Variants in IL16 observed in about 807,000 individuals in gnomAD.
The protein encoded by IL16 is pro-interleukin-16.
IL16 carries 67 observed loss-of-function variants against 110.1 expected under a neutral mutation model. That is an observed-to-expected ratio of 0.61 (90% CI 0.50 to 0.75). The LOEUF (loss-of-function observed/expected upper bound fraction) is 0.75. IL16 is among the 30% of genes least tolerant of loss of function. IL16 has a pLI of 0.00. For synonymous variants in IL16, 689 were observed against 662.9 expected (o/e 1.04, Z -0.61); for missense variants, 1,545 against 1,655.0 (o/e 0.93, Z 1.15).
At chr15:81,207,246 CAAAAA>C (rs60442931) in intron 1 of IL16, among the ~76,000 whole-genome samples, 1 of 102,760 alleles carries the variant, frequency 9.7e-6, no homozygotes, top group African/African-American at 2.9e-5. Flanking sequence ...TCAAAAAAAA[CAAAAA>C]AAAAAAAAAA....
intron 5 of IL16, among the ~76,000 whole-genome samples, chr15:81,272,351 G>A (rs1898679317): frequency 2.6e-5 from 4 of 152,168 alleles, no homozygotes; most frequent in Admixed American, 2.6e-4. Flanking sequence ...TTCTCTTCCT[G>A]CTGTAGACCT....
chr15:81,221,239 C>G (rs1995831), intron 1 of IL16, among the ~76,000 whole-genome samples: 7,531 of 152,118 alleles, frequency 0.05, 636 homozygotes, highest in African/African-American at 0.17. Flanking sequence ...AACAACTGAT[C>G]GCATTAGCTT....
rs753315799 is a variant in IL16, at chr15:81,299,990, G to A, written c.2664G>A (p.Gly888=). ...HEEGRFSGLL[G]RGAAPTLVPQ... is the part of the protein sequence containing the mutation. ...AAGGACGGTTTTCTGGACTCTTGGG[G>A]CGAGGGGCTGCACCCACTCTTGTGC... Residue 888 remains glycine (G), a synonymous_variant, in exon 14 of 19, where the codon GGG becomes GGA. Transcript: ENST00000683961. 21 of 1,597,430 alleles carry A rather than the reference G, an allele frequency of 1.3e-5. No individual in the cohort carries two copies. The highest frequency in any genetic ancestry group is 3.3e-4 in the Middle Eastern group (2 of 6,000).
chr15:81,202,931 A>G (rs997966895), intron 1 of IL16, among the ~76,000 whole-genome samples: 3 of 151,898 alleles, frequency 2.0e-5, no homozygotes, highest in Admixed American at 1.3e-4. Context: ...ACTAGTTTAC[A>G]GTCCCACCAA....
chr15:81,272,195 C>G (rs1898671651), intron 5 of IL16, among the ~76,000 whole-genome samples: 1 of 152,242 alleles, frequency 6.6e-6, no homozygotes, highest in African/African-American at 2.4e-5. Context: ...TAGACTCAAG[C>G]TATGCCCTCT....
chr15:81,293,068 TC>T, intron 12 of IL16, 31 bp downstream of exon 12: 1 of 1,562,930 alleles, frequency 6.4e-7, no homozygotes, highest in Non-Finnish European at 8.6e-7. Context: ...GTTGAGTGTT[TC>T]CAGGACCAGA....
chr15:81,297,610 G>A (rs1405800122), intron 13 of IL16, among the ~76,000 whole-genome samples: 3 of 152,200 alleles, frequency 2.0e-5, no homozygotes, highest in Non-Finnish European at 4.4e-5. Flanking sequence ...AGGACTTGAA[G>A]TCAGGGAATC....
chr15:81,198,374 A>G (rs8027449), intron 1 of IL16, among the ~76,000 whole-genome samples: 40,132 of 151,934 alleles, frequency 0.26, 7,656 homozygotes, highest in African/African-American at 0.52. Flanking sequence ...CCCAGGACCC[A>G]AACCCAGCTT....
At chr15:81,191,835 G>A (rs961544509) in intron 1 of IL16, among the ~76,000 whole-genome samples, 1 of 152,216 alleles carries the variant, frequency 6.6e-6, no homozygotes, top group African/African-American at 2.4e-5. Flanking sequence ...CAGAAGGCCA[G>A]GGTGGCTGTG....
intron 1 of IL16, among the ~76,000 whole-genome samples, chr15:81,218,929 A>C (rs1896524455): frequency 6.9e-6 from 1 of 144,030 alleles, no homozygotes; most frequent in South Asian, 2.4e-4. Context: ...TTTTTTGAGT[A>C]ACAATTTTTT....
chr15:81,276,302 C>A (rs1480114497), intron 6 of IL16, among the ~76,000 whole-genome samples: 1 of 151,534 alleles, frequency 6.6e-6, no homozygotes, highest in Non-Finnish European at 1.5e-5. Flanking sequence ...CATCCAAAAT[C>A]AAAATAAAGA....
chr15:81,299,128 T>A (rs1900133095), intron 13 of IL16, among the ~76,000 whole-genome samples: 1 of 152,170 alleles, frequency 6.6e-6, no homozygotes, highest in Non-Finnish European at 1.5e-5. Context: ...GCCCAGATAT[T>A]CTCTGAGCAC....
chr15:81,262,069 C>T (rs915098736), intron 3 of IL16, among the ~76,000 whole-genome samples: 8 of 152,020 alleles, frequency 5.3e-5, no homozygotes, highest in Non-Finnish European at 1.2e-4. Flanking sequence ...CTGTCCTGCC[C>T]CCCCGAAAAG....
chr15:81,280,916 C>T (rs369893261), intron 8 of IL16, among the ~76,000 whole-genome samples: 1 of 152,170 alleles, frequency 6.6e-6, no homozygotes, highest in South Asian at 2.1e-4. Flanking sequence ...GTGGTGTTTC[C>T]TCTGATCACT....
chr15:81,196,558 A>T (rs951936190), upstream of IL16, among the ~76,000 whole-genome samples: 1 of 152,190 alleles, frequency 6.6e-6, no homozygotes, highest in Non-Finnish European at 1.5e-5. Context: ...GATGAGGTTT[A>T]TAGAAAGCTC....
At chr15:81,301,691 G>A (rs981807041) in intron 15 of IL16, among the ~76,000 whole-genome samples, 179 bp downstream of exon 15, 3 of 152,198 alleles carry the variant, frequency 2.0e-5, no homozygotes, top group Non-Finnish European at 4.4e-5. Flanking sequence ...TTTGAAGAGA[G>A]CCTTTTAGCT....
intron 2 of IL16, among the ~76,000 whole-genome samples, chr15:81,236,000 C>T (rs147795160): frequency 1.8e-4 from 27 of 152,130 alleles, no homozygotes; most frequent in African/African-American, 6.3e-4. Flanking sequence ...TCAGAGCTGC[C>T]CTCCTAAAAA....
intron 1 of IL16, among the ~76,000 whole-genome samples, chr15:81,215,685 A>G (rs894525553): frequency 1.8e-4 from 28 of 152,082 alleles, no homozygotes; most frequent in African/African-American, 6.8e-4. Context: ...CCCTTTCTGG[A>G]TTGACCCTGT....
At chr15:81,282,115 T>C (rs1001643195) in intron 8 of IL16, among the ~76,000 whole-genome samples, 1 of 152,222 alleles carries the variant, frequency 6.6e-6, no homozygotes, top group Non-Finnish European at 1.5e-5. Flanking sequence ...CATGTGCTGC[T>C]CTCCCATGCA....
Sources: gnomAD v4.1 joint callset for allele counts (sites outside exome capture counted in the v4.1 genomes callset) on GRCh38, gnomAD v4.1.1 for gene constraint, MANE v1.5 for transcripts, NCBI Gene and HGNC (gene_info 2026-07-23, HGNC 2026-07-21) for gene names.